LRP1B: variants seen among roughly 807,000 people sequenced by gnomAD.
LRP1B encodes LDL receptor related protein 1B.
Under a neutral mutation model 556.6 loss-of-function variants are expected in LRP1B, and 217 were observed. The ratio of observed to expected loss-of-function variants is 0.39; its 90% CI spans 0.35 to 0.44. LRP1B has a LOEUF of 0.44. LRP1B is among the 20% of genes least tolerant of loss of function. The pLI is 1.00. For synonymous variants in LRP1B, 2,047 were observed against 1,865.8 expected (o/e 1.10, Z -2.50); for missense variants, 5,053 against 5,620.8 (o/e 0.90, Z 3.23).
intron 2 of LRP1B, among the ~76,000 whole-genome samples, chr2:141,761,397 A>G (rs1201680592): frequency 2.3e-5 from 2 of 86,438 alleles, no homozygotes; most frequent in African/African-American, 6.2e-5. Context: ...TTTATTATGT[A>G]GAAGTACAAA....
At chr2:140,779,907 A>G (rs868457251) in intron 32 of LRP1B, among the ~76,000 whole-genome samples, 5 of 152,040 alleles carry the variant, frequency 3.3e-5, no homozygotes, top group Middle Eastern at 3.4e-3. Flanking sequence ...GAAGGAATCT[A>G]AAAAACAGGA....
chr2:141,024,726 A>G (rs1450099016), intron 11 of LRP1B, among the ~76,000 whole-genome samples: 5 of 152,034 alleles, frequency 3.3e-5, no homozygotes, highest in Admixed American at 3.3e-4. Flanking sequence ...TGGATCAGAT[A>G]TAAAAGATTT....
intron 1 of LRP1B, among the ~76,000 whole-genome samples, chr2:141,962,569 CT>C (rs1159447786): frequency 6.6e-6 from 1 of 151,702 alleles, no homozygotes; most frequent in African/African-American, 2.4e-5. Flanking sequence ...ATGCTGGTCC[CT>C]ATTTTAAGTT....
In LRP1B at chr2:141,188,981, G is replaced by C. The variant is rs561837463; in HGVS notation, c.851-398C>G. ...GAATAAATACCTTTTCTGAGTGTAA[G>C]GCAAATCCTTGTTTTCAGATTCCCT... On this transcript the variant is annotated intron_variant, in intron 6 of 90. Transcript: ENST00000389484. Among the ~76,000 whole-genome samples the C allele has an allele frequency of 2.0e-5, 3 of 151,898 alleles. No homozygotes were observed. The East Asian group carries it at 5.8e-4, about 29-fold the overall frequency.
At chr2:142,029,784 T>G (rs1703623722) in intron 1 of LRP1B, among the ~76,000 whole-genome samples, 1 of 151,912 alleles carries the variant, frequency 6.6e-6, no homozygotes. Flanking sequence ...TAATCCATAC[T>G]TCTCTCACCC....
At chr2:141,051,292 A>T (rs1699028196) in intron 10 of LRP1B, among the ~76,000 whole-genome samples, 1 of 152,132 alleles carries the variant, frequency 6.6e-6, no homozygotes, top group Non-Finnish European at 1.5e-5. Context: ...TACCCAAAGG[A>T]TTATAAATCA....
chr2:140,748,799 C>CATTTATATAATATATATCATAT (rs1559094721), intron 35 of LRP1B, among the ~76,000 whole-genome samples: 2 of 18,444 alleles, frequency 1.1e-4, no homozygotes, highest in Non-Finnish European at 2.3e-4. Flanking sequence ...ATATTATATA[C>CATTTATATAATATATATCATAT]ATATTATATA....
At chr2:141,860,534 T>C (rs749386950) in intron 1 of LRP1B, among the ~76,000 whole-genome samples, 3 of 152,186 alleles carry the variant, frequency 2.0e-5, no homozygotes, top group Non-Finnish European at 2.9e-5. Context: ...CCTCAACCAC[T>C]TTTCTAGTTA....
chr2:141,807,705 A>AAG (rs1696208989), intron 2 of LRP1B, among the ~76,000 whole-genome samples: 1 of 151,926 alleles, frequency 6.6e-6, no homozygotes, highest in Non-Finnish European at 1.5e-5. Flanking sequence ...AAGCCCCTAA[A>AAG]CTCTGTGAAC....
chr2:140,440,243 A>T (rs1686367587), intron 66 of LRP1B, among the ~76,000 whole-genome samples: 1 of 152,156 alleles, frequency 6.6e-6, no homozygotes, highest in Non-Finnish European at 1.5e-5. Flanking sequence ...ACAAACTGAA[A>T]TAAAAATGGA....
At chr2:140,476,218 T>G (rs1343417713) in intron 59 of LRP1B, among the ~76,000 whole-genome samples, 1 of 152,050 alleles carries the variant, frequency 6.6e-6, no homozygotes, top group Non-Finnish European at 1.5e-5. Flanking sequence ...TTTTAGATGT[T>G]TCCTTGTCTA....
chr2:140,320,028 C>T (rs1680015903), intron 82 of LRP1B, among the ~76,000 whole-genome samples: 1 of 152,162 alleles, frequency 6.6e-6, no homozygotes, highest in Admixed American at 6.6e-5. Flanking sequence ...CCTTTACCCA[C>T]CATATTTCCA....
chr2:141,031,752 T>A (rs1340642029), intron 11 of LRP1B, among the ~76,000 whole-genome samples: 1 of 151,860 alleles, frequency 6.6e-6, no homozygotes, highest in African/African-American at 2.4e-5. Flanking sequence ...AGGAAGAGAT[T>A]CAAGTGTATA....
At chr2:141,638,993 A>AT (rs1553439892) in intron 2 of LRP1B, among the ~76,000 whole-genome samples, 1 of 67,638 alleles carries the variant, frequency 1.5e-5, no homozygotes, top group African/African-American at 4.7e-5. Flanking sequence ...CTCAAAAAAA[A>AT]ATATATATAT....
At chr2:141,706,747 T>G (rs558451296) in intron 2 of LRP1B, among the ~76,000 whole-genome samples, 2 of 152,266 alleles carry the variant, frequency 1.3e-5, no homozygotes. Context: ...AAGTATGGAT[T>G]ATGTAAAATT....
chr2:141,804,584 A>G (rs1425187271), intron 2 of LRP1B, among the ~76,000 whole-genome samples: 2 of 152,066 alleles, frequency 1.3e-5, no homozygotes, highest in Non-Finnish European at 2.9e-5. Flanking sequence ...TCCTTAGGGA[A>G]CAGAACTGAC....
intron 56 of LRP1B, among the ~76,000 whole-genome samples, chr2:140,493,156 AC>A (rs1205134450): frequency 6.6e-6 from 1 of 152,098 alleles, no homozygotes; most frequent in Non-Finnish European, 1.5e-5. Flanking sequence ...ATATATATAT[AC>A]CCTTTTACCT....
chr2:140,951,665 G>A (rs186127658), intron 19 of LRP1B, among the ~76,000 whole-genome samples, 195 bp downstream of exon 19: 1 of 152,266 alleles, frequency 6.6e-6, no homozygotes, highest in East Asian at 1.9e-4. Flanking sequence ...CACCCATGGG[G>A]CAAATATTGA....
chr2:141,646,741 G>A (rs1019276607), intron 2 of LRP1B, among the ~76,000 whole-genome samples: 6 of 152,134 alleles, frequency 3.9e-5, no homozygotes, highest in Non-Finnish European at 1.5e-5. Context: ...CTAAAATTCT[G>A]GGGAGGCTTC....
Sources: gnomAD v4.1 joint callset for allele counts (sites outside exome capture counted in the v4.1 genomes callset) on GRCh38, gnomAD v4.1.1 for gene constraint, MANE v1.5 for transcripts, NCBI Gene and HGNC (gene_info 2026-07-23, HGNC 2026-07-21) for gene names.